PDPN: variants seen among roughly 807,000 people sequenced by gnomAD.
PDPN encodes podoplanin.
PDPN carries 12 observed loss-of-function variants against 23.2 expected under a neutral mutation model. The ratio of observed to expected loss-of-function variants is 0.52; its 90% CI spans 0.33 to 0.84. The LOEUF is 0.84. PDPN is among the 40% of genes least tolerant of loss of function. The pLI is 0.02. For synonymous variants in PDPN, 77 were observed against 76.7 expected (o/e 1.00, Z -0.02); for missense variants, 199 against 212.2 (o/e 0.94, Z 0.39).
intron 1 of PDPN, among the ~76,000 whole-genome samples, chr1:13,599,001 G>GCCC (rs1172789223): frequency 7.4e-6 from 1 of 134,370 alleles, no homozygotes; most frequent in African/African-American, 2.6e-5. Flanking sequence ...CCAAGAAAGT[G>GCCC]CCCCCCCTCC....
chr1:13,605,798 T>C (rs1640771117), intron 1 of PDPN, among the ~76,000 whole-genome samples: 1 of 152,084 alleles, frequency 6.6e-6, no homozygotes, highest in Admixed American at 6.6e-5. Context: ...AATTTTTGTA[T>C]TTTTAGTAGA....
rs778306499 is a variant in PDPN at position 13,607,274 on chromosome 1, G to A, written c.169G>A (p.Glu57Lys). 27 of 1,614,020 alleles carry A rather than the reference G, an allele frequency of 1.7e-5. No homozygotes were observed. Among genetic ancestry groups the A allele is most frequent in the Non-Finnish European group, 2.1e-5 (25 of 1,180,004 alleles). ...TGATGTGGTGACTCCAGGAACCAGC[G>A]AAGACCGCTATAAGTCTGGCTTGAC... ...EDDVVTPGTS[E>K]DRYKSGLTTL... Residue 57 changes from glutamate (E) to lysine (K), a missense_variant, in exon 2 of 6, where the codon GAA becomes AAA. Glu to Lys is a moderately conservative substitution (Grantham distance 56). Transcript: ENST00000621990.
intron 3 of PDPN, among the ~76,000 whole-genome samples, chr1:13,612,156 TAATACATCGTTATTCCAAG>T (rs1159229602): frequency 6.6e-6 from 1 of 152,182 alleles, no homozygotes. Context: ...CATTCCTACT[TAATACATCGTTATTCCAAG>T]ACATTTTCAC....
At chr1:13,609,133 A>G (rs1367156740) in intron 2 of PDPN, among the ~76,000 whole-genome samples, 1 of 152,192 alleles carries the variant, frequency 6.6e-6, no homozygotes, top group Non-Finnish European at 1.5e-5. Flanking sequence ...TTGATTAGTT[A>G]GAATAGAGAC....
At chr1:13,595,438 C>T (rs983796808) in intron 1 of PDPN, among the ~76,000 whole-genome samples, 2 of 152,230 alleles carry the variant, frequency 1.3e-5, no homozygotes, top group East Asian at 1.9e-4. Flanking sequence ...CCAGAGGGGA[C>T]ACCTCCCCCC....
intron 1 of PDPN, among the ~76,000 whole-genome samples, chr1:13,606,019 T>G (rs1008123890): frequency 6.6e-6 from 1 of 151,888 alleles, no homozygotes; most frequent in Non-Finnish European, 1.5e-5. Flanking sequence ...CTTTTTTTTT[T>G]GGAGATTGGG....
intron 1 of PDPN, among the ~76,000 whole-genome samples, chr1:13,600,519 C>A (rs1640616404): frequency 6.6e-6 from 1 of 152,154 alleles, no homozygotes; most frequent in Non-Finnish European, 1.5e-5. Context: ...CCTGCGCCAC[C>A]ATGGCCAGCT....
intron 1 of PDPN, among the ~76,000 whole-genome samples, chr1:13,606,162 G>T (rs1252431687): frequency 6.6e-6 from 1 of 151,972 alleles, no homozygotes; most frequent in Non-Finnish European, 1.5e-5. Flanking sequence ...GCTAATTTTT[G>T]TATTTTTAGT....
chr1:13,600,100 T>G (rs1006839186), intron 1 of PDPN, among the ~76,000 whole-genome samples: 1 of 152,126 alleles, frequency 6.6e-6, no homozygotes, highest in Non-Finnish European at 1.5e-5. Context: ...TGGGATTTCA[T>G]AAGAGGCAGT....
At chr1:13,611,138 C>G (rs1265741777) in intron 3 of PDPN, among the ~76,000 whole-genome samples, 2 of 151,786 alleles carry the variant, frequency 1.3e-5, no homozygotes, top group Non-Finnish European at 2.9e-5. Flanking sequence ...GGAGAATGGC[C>G]TGAACCCAGG....
chr1:13,589,816 T>G (rs1408020561), intron 1 of PDPN, among the ~76,000 whole-genome samples: 1 of 146,110 alleles, frequency 6.8e-6, no homozygotes, highest in Non-Finnish European at 1.5e-5. Context: ...GCAAACCACT[T>G]GTATTGATTG....
intron 1 of PDPN, chr1:13,585,483 A>G (rs531407451): frequency 3.0e-6 from 4 of 1,336,772 alleles, no homozygotes; most frequent in African/African-American, 1.5e-5. Context: ...ACAATGTGCA[A>G]ATGACACCGT....
intron 3 of PDPN, among the ~76,000 whole-genome samples, chr1:13,610,925 C>T (rs1640917722): frequency 6.6e-6 from 1 of 152,222 alleles, no homozygotes; most frequent in Non-Finnish European, 1.5e-5. Flanking sequence ...ATGCATGGTG[C>T]AAGAATCTGT....
chr1:13,611,231 AC>A (rs1388864715), intron 3 of PDPN, among the ~76,000 whole-genome samples: 3 of 136,368 alleles, frequency 2.2e-5, no homozygotes, highest in South Asian at 5.3e-4. Context: ...AAAAAAAAAA[AC>A]AAAACAAAAA....
intron 1 of PDPN, among the ~76,000 whole-genome samples, chr1:13,605,269 G>GT (rs1640752335): frequency 6.7e-6 from 1 of 149,140 alleles, no homozygotes; most frequent in African/African-American, 2.5e-5. Flanking sequence ...GATTGCTAAT[G>GT]TAAGTGCTGC....
At chr1:13,600,379 T>TC (rs1640612692) in intron 1 of PDPN, among the ~76,000 whole-genome samples, 1 of 152,164 alleles carries the variant, frequency 6.6e-6, no homozygotes, top group African/African-American at 2.4e-5. Context: ...CTCTTTTTTT[T>TC]TTTTTGAGAT....
At chr1:13,615,739 G>A (rs991680417) in intron 5 of PDPN, among the ~76,000 whole-genome samples, 166 bp from the exon 6 acceptor site, 1 of 152,160 alleles carries the variant, frequency 6.6e-6, no homozygotes, top group African/African-American at 2.4e-5. Context: ...TGACCCTGCT[G>A]TGTGAGGACG....
At position 13,588,980 on chromosome 1, in the gene PDPN, A is replaced by AGCTACTATTCAATAAATAGAATAGT. The variant is rs1553143568; in HGVS notation, c.67+4898_67+4899insGAATAGTGCTACTATTCAATAAATA. Among the ~76,000 whole-genome samples the AGCTACTATTCAATAAATAGAATAGT allele has an allele frequency of 4.7e-5, 6 of 126,794 alleles. 1 individual carries two copies. The highest frequency in any genetic ancestry group is 2.4e-4 in the South Asian group (1 of 4,240). 83.2% of individuals were successfully genotyped at this position (126,794 alleles called of 152,430 possible). ...ATACCCGGCCAACAATTCATTGAAT[A>AGCTACTATTCAATAAATAGAATAGT]GCTACTATTCAATAAATATTTATTG... On this transcript the variant is annotated intron_variant, in intron 1 of 5. Transcript: ENST00000621990.
Position 13,611,212 on chromosome 1 carries a change from A to G in PDPN, c.331+696A>G, listed in dbSNP as rs558995396. On this transcript the variant is annotated intron_variant, in intron 3 of 5. Coordinates refer to ENST00000621990, the MANE Select transcript of PDPN (RefSeq NM_006474.5). The stretch of plus-strand genomic sequence containing the variant: ...CTCCAACCTGGGCGACAGTGCGAGA[A>G]TCCGTCTCAAAAAAAAAAACAAAAC... 4.6e-3 allele frequency among the ~76,000 whole-genome samples: 645 copies of G among 140,440 alleles called. 5 individuals carry two copies. Among genetic ancestry groups the G allele is most frequent in the South Asian group, 0.025 (108 of 4,324 alleles). The allele number at this position is 140,440 out of a possible 152,430, so 92.1% of individuals were successfully genotyped here. A position where few individuals can be genotyped will look rare whatever the true frequency, so the allele number is the denominator to read the frequency against.
Sources: allele counts gnomAD v4.1 joint callset (sites outside exome capture counted in the v4.1 genomes callset), GRCh38; gene constraint gnomAD v4.1.1; transcripts MANE v1.5; gene names NCBI Gene and HGNC (gene_info 2026-07-23, HGNC 2026-07-21).